The following ATP11C variants were observed in gnomAD, a reference collection of about 807,000 sequenced individuals.
ATP11C encodes the protein phospholipid-transporting ATPase IG.
A neutral mutation model predicts 97.4 loss-of-function variants in ATP11C; 36 were observed. That is an observed-to-expected ratio of 0.37 (90% confidence interval 0.28 to 0.49). The LOEUF (loss-of-function observed/expected upper bound fraction) is 0.49. ATP11C is among the 20% of genes least tolerant of loss of function. The pLI is 0.98. For missense variants in ATP11C, 730 were observed against 824.6 expected (o/e 0.89, Z 1.40); for synonymous variants, 275 against 290.9 (o/e 0.95, Z 0.56).
At chrX:139,878,993 C>A (rs1781190235) in intron 1 of ATP11C, among the ~76,000 whole-genome samples, 1 of 111,094 alleles carries the variant, frequency 9.0e-6, no homozygotes, top group Non-Finnish European at 1.9e-5. Flanking sequence ...CACTTGTAGT[C>A]CCAGCTACTC....
intron 1 of ATP11C, among the ~76,000 whole-genome samples, chrX:139,925,911 T>C (rs1027939135): frequency 9.0e-6 from 1 of 111,675 alleles, no homozygotes; most frequent in African/African-American, 3.3e-5. Flanking sequence ...TCTTCTATTA[T>C]CAAGAAGTCA....
rs778725620 is a variant in ATP11C at position 139,834,259 on chromosome X, GA to G, written c.28-7437del. On this transcript the variant is annotated intron_variant, in intron 1 of 29. Transcript: ENST00000682941. ...ACAAGTGCCATGTTTGATGACAACTGAGGGCCACTGGAGGAGCTTATGGAGG... is the reference window on the plus strand; with the variant it reads ...ACAAGTGCCATGTTTGATGACAACTGGGGCCACTGGAGGAGCTTATGGAGG... Among the ~76,000 whole-genome samples, 4 of 111,858 alleles carry G rather than the reference GA, an allele frequency of 3.6e-5. No homozygotes were observed. The East Asian group carries it at 8.4e-4, about 24-fold the overall frequency.
At chrX:139,907,041 C>G (rs1338289872) in intron 1 of ATP11C, among the ~76,000 whole-genome samples, 1 of 111,337 alleles carries the variant, frequency 9.0e-6, no homozygotes, top group East Asian at 2.8e-4. Context: ...TCAGTGAGGC[C>G]TTCTTCACCC....
At position 139,810,430 on chromosome X, in the gene ATP11C, G is replaced by C. The variant is rs945693540; in HGVS notation, c.426+4448C>G. ...AGATTGTGGCATTGCACTCCAGCCTGGGTGACAAGAGCGAAACTCCATCTC... is the reference window on the plus strand; with the variant it reads ...AGATTGTGGCATTGCACTCCAGCCTCGGTGACAAGAGCGAAACTCCATCTC... On this transcript the variant is annotated intron_variant, in intron 5 of 29. Coordinates refer to ENST00000682941, the MANE Select transcript of ATP11C (RefSeq NM_001353812.2). Among the ~76,000 whole-genome samples the C allele has an allele frequency of 8.9e-5, 10 of 111,861 alleles. No homozygotes were observed. The Admixed American group carries it at 9.5e-4, about 11-fold the overall frequency.
intron 20 of ATP11C, among the ~76,000 whole-genome samples, chrX:139,768,019 A>G (rs2082173652): frequency 9.0e-6 from 1 of 111,392 alleles, no homozygotes; most frequent in South Asian, 3.8e-4. Flanking sequence ...CAGAGAAAAA[A>G]GTCTGGAAGG....
intron 24 of ATP11C, among the ~76,000 whole-genome samples, chrX:139,749,767 T>C (rs772814729): frequency 6.2e-5 from 7 of 112,144 alleles, no homozygotes; most frequent in Admixed American, 9.5e-5. Context: ...TAGAACACTA[T>C]GACAATATAG....
intron 2 of ATP11C, among the ~76,000 whole-genome samples, chrX:139,823,521 C>G (rs1258393548): frequency 8.9e-6 from 1 of 111,996 alleles, no homozygotes; most frequent in African/African-American, 3.2e-5. Flanking sequence ...CTGTGTTACC[C>G]AAGATTTCCA....
intron 25 of ATP11C, 87 bp downstream of exon 25, chrX:139,745,635 A>C: frequency 1.0e-6 from 1 of 987,498 alleles, no homozygotes; most frequent in Non-Finnish European, 1.4e-6. Flanking sequence ...TTACAGCTAG[A>C]GTATGTATAT....
At chrX:139,893,210 T>G (rs1032472525) in intron 1 of ATP11C, among the ~76,000 whole-genome samples, 1 of 110,942 alleles carries the variant, frequency 9.0e-6, no homozygotes, top group Non-Finnish European at 1.9e-5. Flanking sequence ...GGCTAATTTT[T>G]GGGTTTTTTT....
At chrX:139,892,109 G>A (rs530972898) in intron 1 of ATP11C, among the ~76,000 whole-genome samples, 3 of 111,403 alleles carry the variant, frequency 2.7e-5, no homozygotes, top group African/African-American at 9.8e-5. Context: ...TGCCTGTGTC[G>A]GCCTCCCAAA....
chrX:139,846,175 A>G (rs2083905616), intron 1 of ATP11C, among the ~76,000 whole-genome samples: 1 of 112,462 alleles, frequency 8.9e-6, no homozygotes, highest in Non-Finnish European at 1.9e-5. Flanking sequence ...GTTATATAAC[A>G]AACCGGAATA....
At chrX:139,763,129 A>T (rs2082070200) in intron 21 of ATP11C, among the ~76,000 whole-genome samples, 187 bp downstream of exon 21, 3 of 112,514 alleles carry the variant, frequency 2.7e-5, no homozygotes, top group Admixed American at 1.9e-4. Context: ...CATTTCTACC[A>T]TGGGGTAGGA....
chrX:139,730,493 T>C (rs2081319632), intron 29 of ATP11C, among the ~76,000 whole-genome samples: 1 of 111,497 alleles, frequency 9.0e-6, no homozygotes, highest in Admixed American at 9.5e-5. Context: ...GCTTCTAAAA[T>C]AACAGTGCAG....
intron 1 of ATP11C, among the ~76,000 whole-genome samples, chrX:139,887,470 C>A (rs67001873): frequency 0.054 from 5,850 of 108,772 alleles, 257 homozygotes; most frequent in East Asian, 0.3. Flanking sequence ...ACAAAAAAAA[C>A]CACAAAAATT....
intron 21 of ATP11C, 89 bp from the exon 22 acceptor site, chrX:139,762,195 A>G (rs765791442): frequency 2.7e-4 from 201 of 753,415 alleles, no homozygotes; most frequent in Non-Finnish European, 3.6e-4. Context: ...GTTTAATGTT[A>G]TAGTTCAATT....
upstream of ATP11C, among the ~76,000 whole-genome samples, chrX:139,935,294 G>A (rs557923843): frequency 1.8e-5 from 2 of 111,977 alleles, no homozygotes; most frequent in East Asian, 5.6e-4. Context: ...GGCCAGGCGC[G>A]GTGGCTCACA....
intron 3 of ATP11C, among the ~76,000 whole-genome samples, chrX:139,818,513 C>G (rs940199402): frequency 4.5e-5 from 5 of 111,760 alleles, no homozygotes; most frequent in African/African-American, 1.6e-4. Context: ...GACCATAGAT[C>G]CAGAGGAGCT....
chrX:139,782,410 T>C (rs964965095), intron 18 of ATP11C, 137 bp downstream of exon 18: 2 of 371,920 alleles, frequency 5.4e-6, no homozygotes, highest in Non-Finnish European at 8.9e-6. Flanking sequence ...TCATACTTGC[T>C]ATAATAAATA....
intron 11 of ATP11C, among the ~76,000 whole-genome samples, chrX:139,796,812 TCA>T (rs1327491226): frequency 8.9e-6 from 1 of 111,914 alleles, no homozygotes; most frequent in Non-Finnish European, 1.9e-5. Flanking sequence ...TCGTGACATT[TCA>T]CATACTCCTA....
Sources: allele counts gnomAD v4.1 joint callset (sites outside exome capture counted in the v4.1 genomes callset), GRCh38; gene constraint gnomAD v4.1.1; transcripts MANE v1.5; gene names NCBI Gene and HGNC (gene_info 2026-07-23, HGNC 2026-07-21).